The following SERPINB5 variants were observed in gnomAD, a reference collection of about 807,000 sequenced individuals.
SERPINB5 encodes serpin family B member 5.
Under a neutral mutation model 32.2 loss-of-function variants are expected in SERPINB5, and 27 were observed. That is an observed-to-expected ratio of 0.84 (90% CI 0.62 to 1.16). The LOEUF (loss-of-function observed/expected upper bound fraction) is 1.16, where lower values mean the gene tolerates loss of function less well. SERPINB5 is among the 50% of genes most tolerant of loss of function. The pLI is 0.00. For missense variants in SERPINB5, 388 were observed against 436.3 expected (o/e 0.89, Z 0.99); for synonymous variants, 154 against 157.4 (o/e 0.98, Z 0.16).
rs767463978 is a variant in SERPINB5, at chr18:63,499,103, A to G, written c.568-17A>G. The G allele has an allele frequency of 6.2e-6, 9 of 1,451,114 alleles. No homozygotes were observed. The highest frequency in any genetic ancestry group is 2.9e-5 in the African/African-American group (2 of 69,958). The allele number at this position is 1,451,114 out of a possible 1,614,324, so 89.9% of individuals were successfully genotyped here. A position where few individuals can be genotyped will look rare whatever the true frequency, so the allele number is the denominator to read the frequency against. On this transcript the variant is annotated splice_polypyrimidine_tract_variant and intron_variant, in intron 5 of 6. Transcript: ENST00000382771. ...TGTAAATTGAAAAGTAAGCAGTCCA[A>G]ATTTTCCCTTTTACAGACAGACACC...
At chr18:63,499,669 C>T (rs1207314125) in intron 6 of SERPINB5, among the ~76,000 whole-genome samples, 2 of 152,092 alleles carry the variant, frequency 1.3e-5, no homozygotes, top group East Asian at 1.9e-4. Context: ...AGGATTTGGG[C>T]CCAGGTAGTT....
intron 6 of SERPINB5, among the ~76,000 whole-genome samples, 195 bp downstream of exon 6, chr18:63,499,482 G>T (rs1483906553): frequency 6.6e-6 from 1 of 152,184 alleles, no homozygotes; most frequent in Non-Finnish European, 1.5e-5. Context: ...AATTTATTTG[G>T]CACTTACAGT....
In SERPINB5 at chr18:63,487,044, C is replaced by A. The variant is rs34866511; in HGVS notation, c.267C>A (p.Ile89=). ...GTTCCTTTTACTCACTGAAACTAATCAAGCGGCTCTACGTAGACAAATCTC... is the reference window on the plus strand; with the variant it reads ...GTTCCTTTTACTCACTGAAACTAATAAAGCGGCTCTACGTAGACAAATCTC... ...KLSSFYSLKL[I]KRLYVDKSLN... The change falls in exon 3 of 7, where the codon ATC becomes ATA. Residue 89 remains isoleucine (I), a synonymous_variant. Transcript: ENST00000382771. 15,144 of 1,614,056 alleles carry A rather than the reference C, an allele frequency of 9.4e-3. 137 individuals are homozygous for A. Among genetic ancestry groups the A allele is most frequent in the Middle Eastern group, 0.024 (144 of 6,060 alleles).
chr18:63,497,428 C>T, intron 5 of SERPINB5: 1 of 908,290 alleles, frequency 1.1e-6, no homozygotes, highest in Non-Finnish European at 1.8e-6. Flanking sequence ...CTGCCTGTCC[C>T]TGCTGCTGCG....
intron 2 of SERPINB5, chr18:63,485,664 C>T (rs1348215409): frequency 6.6e-6 from 1 of 152,268 alleles, no homozygotes; most frequent in Non-Finnish European, 1.5e-5. Flanking sequence ...AAGAGAACTT[C>T]CGGGTAGTGG....
In SERPINB5 at chr18:63,497,457, T is replaced by G. The variant is rs1264230830; in HGVS notation, c.568-1663T>G. ...TGCTGCGGCTGCACACCATTCTTGG[T>G]GCTGGGCTGTGCTAAGCTTTACCAT... On this transcript the variant is annotated intron_variant, in intron 5 of 6. Transcript: ENST00000382771. 7.2e-6 allele frequency: 5 copies of G among 697,644 alleles called. No individual in the cohort carries two copies. The African/African-American group carries it at 9.1e-5, about 13-fold the overall frequency. 43.2% of individuals were successfully genotyped at this position (697,644 alleles called of 1,614,324 possible).
intron 5 of SERPINB5, chr18:63,497,273 T>C (rs1909467148): frequency 5.5e-6 from 6 of 1,083,452 alleles, no homozygotes; most frequent in Non-Finnish European, 8.5e-6. Context: ...AGCTTGATCA[T>C]TGGTTATTCC....
At position 63,504,293 on chromosome 18, in the gene SERPINB5, GAT is replaced by G. The variant is rs2144515048; in HGVS notation, c.*573_*574del. On this transcript the variant is annotated 3_prime_UTR_variant, in exon 7 of 7. Transcript: ENST00000382771. Reference sequence around the variant, plus strand: ...TTCTGAATTTTGGGGATTTTCAAAAGATAATATTTTACATACACTGTATGTTA... The same window carrying G: ...TTCTGAATTTTGGGGATTTTCAAAAGAATATTTTACATACACTGTATGTTA... The G allele has an allele frequency of 6.5e-6, 1 of 153,760 alleles. No individual in the cohort carries two copies. The highest frequency in any genetic ancestry group is 6.5e-5 in the Admixed American group (1 of 15,340). The allele number at this position is 153,760 out of a possible 1,614,324, so 9.5% of individuals were successfully genotyped here.
At chr18:63,503,097 T>G (rs961755472) in intron 6 of SERPINB5, among the ~76,000 whole-genome samples, 2 of 152,104 alleles carry the variant, frequency 1.3e-5, no homozygotes, top group African/African-American at 4.8e-5. Flanking sequence ...AACCCTGTCC[T>G]CATAAATTTC....
intron 6 of SERPINB5, among the ~76,000 whole-genome samples, chr18:63,501,038 T>C (rs904565416): frequency 1.3e-5 from 2 of 152,086 alleles, no homozygotes; most frequent in East Asian, 3.9e-4. Context: ...ATTTCAATAA[T>C]TTATTTTTCT....
chr18:63,490,993 C>T (rs1378354694), intron 4 of SERPINB5, among the ~76,000 whole-genome samples: 3 of 152,210 alleles, frequency 2.0e-5, no homozygotes, highest in Non-Finnish European at 4.4e-5. Flanking sequence ...TCTTCCCCCA[C>T]CCCACAAAGT....
rs1264266844 is a variant in SERPINB5 at position 63,498,999 on chromosome 18, G to A, written c.568-121G>A. 2 of 445,704 alleles carry A rather than the reference G, an allele frequency of 4.5e-6. No individual in the cohort carries two copies. The highest frequency in any genetic ancestry group is 2.0e-5 in the African/African-American group (1 of 49,384). 27.6% of individuals were successfully genotyped at this position (445,704 alleles called of 1,614,324 possible). On this transcript the variant is annotated intron_variant, in intron 5 of 6. Transcript: ENST00000382771. The surrounding 1 kb of genome is among the most constrained non-coding windows in gnomAD (Gnocchi z 4.2). ...TGTAGGTATATATGTATGTGTGTCT[G>A]TATATATACATGTGGGTATATATGT... is the stretch of plus-strand genomic sequence containing the variant.
chr18:63,482,541 G>C (rs1034085501), intron 1 of SERPINB5, among the ~76,000 whole-genome samples: 1 of 152,156 alleles, frequency 6.6e-6, no homozygotes, highest in African/African-American at 2.4e-5. Context: ...AACCTCAGGA[G>C]TTCATGTAGT....
chr18:63,496,124 A>G (rs1909440689), intron 5 of SERPINB5, among the ~76,000 whole-genome samples: 1 of 105,306 alleles, frequency 9.5e-6, no homozygotes, highest in Non-Finnish European at 2.4e-5. Flanking sequence ...TCCTCTTTTC[A>G]GAAGATATGT....
intron 1 of SERPINB5, among the ~76,000 whole-genome samples, chr18:63,480,610 T>C (rs972308997): frequency 6.6e-6 from 1 of 152,220 alleles, no homozygotes; most frequent in African/African-American, 2.4e-5. Context: ...TCATGTATTG[T>C]TAACATTGCT....
Position 63,504,806 on chromosome 18 carries a change from G to A in SERPINB5, c.*1084G>A, listed in dbSNP as rs1469439991. 1 of 152,154 alleles carries A rather than the reference G, an allele frequency of 6.6e-6. No homozygotes were observed. Among genetic ancestry groups the A allele is most frequent in the African/African-American group, 2.4e-5 (1 of 41,428 alleles). The allele number at this position is 152,154 out of a possible 1,614,324, so 9.4% of individuals were successfully genotyped here. A position where few individuals can be genotyped will look rare whatever the true frequency, so the allele number is the denominator to read the frequency against. On this transcript the variant is annotated 3_prime_UTR_variant, in exon 7 of 7. Coordinates refer to ENST00000382771, the MANE Select transcript of SERPINB5 (RefSeq NM_002639.5). ...TAAGTAAAGTGATTAAAGTGCTCAC[G>A]TTACCTTGACACATAGTTTTTCAGT...
At chr18:63,484,763 T>TTTTTTTTTTTTTTA (rs1555670280) in intron 2 of SERPINB5, among the ~76,000 whole-genome samples, 167 bp downstream of exon 2, 1 of 145,688 alleles carries the variant, frequency 6.9e-6, no homozygotes, top group Non-Finnish European at 1.5e-5. Flanking sequence ...TTTTTTTTTT[T>TTTTTTTTTTTTTTA]GTGAGACAGG....
rs749302493 is a variant in SERPINB5 at position 63,503,613 on chromosome 18, G to A, written c.1019G>A (p.Arg340Gln). The change falls in exon 7 of 7, where the codon CGG becomes CAG. Residue 340 changes from arginine (R) to glutamine (Q), a missense_variant. Arg to Gln is a conservative substitution (Grantham distance 43). Transcript: ENST00000382771. ...GATTCCATAGAGGTGCCAGGAGCAC[G>A]GATCCTGCAGCACAAGGATGAATTG... is the stretch of plus-strand genomic sequence containing the variant. The part of the protein sequence containing the change: ...GGDSIEVPGA[R>Q]ILQHKDELNA... 5.1e-5 allele frequency: 82 copies of A among 1,614,076 alleles called. No individual in the cohort carries two copies. In the East Asian group the frequency reaches 1.4e-3, roughly 28 times the overall value.
intron 1 of SERPINB5, among the ~76,000 whole-genome samples, chr18:63,480,985 G>T (rs752588902): frequency 6.6e-6 from 1 of 152,288 alleles, no homozygotes; most frequent in East Asian, 1.9e-4. Context: ...ATCTCTTTGC[G>T]TTCATGCACT....
Sources: allele counts gnomAD v4.1 joint callset (sites outside exome capture counted in the v4.1 genomes callset), GRCh38; gene constraint gnomAD v4.1.1; non-coding constraint Gnocchi (gnomAD v3.1); transcripts MANE v1.5; gene names NCBI Gene and HGNC (gene_info 2026-07-23, HGNC 2026-07-21).